ACBD5: variants seen among roughly 807,000 people sequenced by gnomAD.
The protein encoded by ACBD5 is acyl-CoA binding domain containing 5.
Under a neutral mutation model 71.8 loss-of-function variants are expected in ACBD5, and 40 were observed. That is an observed-to-expected ratio of 0.56 (90% confidence interval 0.43 to 0.72). The LOEUF is 0.72. ACBD5 is among the 30% of genes least tolerant of loss of function. The pLI is 0.00. For synonymous variants in ACBD5, 229 were observed against 218.6 expected, an observed-to-expected ratio of 1.05 and a Z score of -0.42; for missense variants, 559 against 644.5, an observed-to-expected ratio of 0.87 and a Z score of 1.44.
At chr10:27,238,940 G>A (rs1025338558) in intron 2 of ACBD5, among the ~76,000 whole-genome samples, 1 of 152,212 alleles carries the variant, frequency 6.6e-6, no homozygotes, top group Non-Finnish European at 1.5e-5. Context: ...GCTCATGCCT[G>A]TAATCCCAGC....
intron 13 of ACBD5, among the ~76,000 whole-genome samples, chr10:27,184,450 A>C (rs897308857): frequency 6.6e-6 from 1 of 151,968 alleles, no homozygotes; most frequent in Non-Finnish European, 1.5e-5. Flanking sequence ...TTGGATTTGG[A>C]CATACTGAGT....
chr10:27,188,594 C>T (rs1279236839), intron 13 of ACBD5, among the ~76,000 whole-genome samples: 2 of 152,176 alleles, frequency 1.3e-5, no homozygotes, highest in African/African-American at 2.4e-5. Context: ...TGAGCATATT[C>T]CCAATGCACA....
Position 27,205,301 on chromosome 10 carries a change from A to T in ACBD5, c.1405-53T>A. On this transcript the variant is annotated intron_variant, in intron 10 of 12. Coordinates refer to ENST00000396271, the MANE Select transcript of ACBD5 (RefSeq NM_145698.5). ...CCTTGAAAAAATGAAAAACACAGTA[A>T]TTATTCTATTTCCTATCTTTTTTTA... 1.9e-6 allele frequency: 3 copies of T among 1,545,462 alleles called. No homozygotes were observed. In the South Asian group the frequency reaches 3.4e-5, roughly 17 times the overall value.
chr10:27,239,306 T>C (rs2065159230), intron 2 of ACBD5, among the ~76,000 whole-genome samples: 1 of 152,162 alleles, frequency 6.6e-6, no homozygotes, highest in Non-Finnish European at 1.5e-5. Flanking sequence ...CAGAGAAAAA[T>C]ATTTAATGGC....
chr10:27,224,427 G>A (rs1034438306), intron 4 of ACBD5, among the ~76,000 whole-genome samples: 3 of 152,032 alleles, frequency 2.0e-5, no homozygotes, highest in Non-Finnish European at 2.9e-5. Flanking sequence ...TTCATTAAAC[G>A]AAATAGAAAA....
chr10:27,225,126 T>A (rs1353464199), intron 4 of ACBD5, among the ~76,000 whole-genome samples: 1 of 148,754 alleles, frequency 6.7e-6, no homozygotes, highest in Non-Finnish European at 1.5e-5. Flanking sequence ...TCACCCAGGC[T>A]GTAGTGCAGC....
At position 27,240,191 on chromosome 10, in the gene ACBD5, C is replaced by T. The variant is rs2065295218; in HGVS notation, c.181+128G>A. 4 of 1,417,652 alleles carry T rather than the reference C, an allele frequency of 2.8e-6. No homozygotes were observed. The South Asian group carries it at 4.9e-5, about 17-fold the overall frequency. 87.8% of individuals were successfully genotyped at this position (1,417,652 alleles called of 1,614,324 possible). A position where few individuals can be genotyped will look rare whatever the true frequency, so the allele number is the denominator to read the frequency against. ...AAGGTAATTAATTCATATTCAATAG[C>T]TCCCCTTCCACTACATGGCTCCTAC... On this transcript the variant is annotated intron_variant, in intron 2 of 12. Transcript: ENST00000396271. This position sits in a 1 kb window ranked among gnomAD's most constrained non-coding sequence, Gnocchi z 4.1.
intron 2 of ACBD5, among the ~76,000 whole-genome samples, chr10:27,238,046 C>T (rs1032631925): frequency 6.6e-6 from 1 of 151,826 alleles, no homozygotes; most frequent in East Asian, 1.9e-4. Context: ...CCCGGGTTCA[C>T]GCCATTCTCC....
chr10:27,199,849 G>C (rs979653708), intron 12 of ACBD5, among the ~76,000 whole-genome samples: 1 of 152,058 alleles, frequency 6.6e-6, no homozygotes, highest in Non-Finnish European at 1.5e-5. Context: ...CAAATTAGCC[G>C]GGCGTGGTGG....
At chr10:27,228,179 C>T (rs2063327081) in intron 4 of ACBD5, among the ~76,000 whole-genome samples, 1 of 151,324 alleles carries the variant, frequency 6.6e-6, no homozygotes, top group Non-Finnish European at 1.5e-5. Context: ...TTTAGTACAC[C>T]CATCTCTTTT....
At chr10:27,221,281 C>A (rs1321718313) in intron 5 of ACBD5, among the ~76,000 whole-genome samples, 2 of 152,100 alleles carry the variant, frequency 1.3e-5, no homozygotes, top group African/African-American at 2.4e-5. Flanking sequence ...ATTTTTGCAG[C>A]AAAACATATA....
At chr10:27,225,804 G>T (rs114957879) in intron 4 of ACBD5, among the ~76,000 whole-genome samples, 181 of 151,878 alleles carry the variant, frequency 1.2e-3, no homozygotes, top group African/African-American at 4.0e-3. Context: ...CCACACTGCC[G>T]TAATATAAAG....
chr10:27,233,448 G>A (rs1215749562), intron 3 of ACBD5, among the ~76,000 whole-genome samples: 1 of 150,812 alleles, frequency 6.6e-6, no homozygotes, highest in Non-Finnish European at 1.5e-5. Flanking sequence ...AAAAAAAACT[G>A]GTGTGGCATG....
chr10:27,232,772 C>T (rs1438884922), intron 3 of ACBD5, among the ~76,000 whole-genome samples: 1 of 152,072 alleles, frequency 6.6e-6, no homozygotes, highest in African/African-American at 2.4e-5. Flanking sequence ...TTTTTAAACC[C>T]CTAAATAATA....
At chr10:27,237,524 A>G (rs948154217) in intron 2 of ACBD5, among the ~76,000 whole-genome samples, 1 of 152,204 alleles carries the variant, frequency 6.6e-6, no homozygotes, top group Non-Finnish European at 1.5e-5. Context: ...TTTATAATCC[A>G]TTATAACAAA....
intron 3 of ACBD5, among the ~76,000 whole-genome samples, chr10:27,234,848 C>G (rs1310872680): frequency 6.6e-6 from 1 of 152,198 alleles, no homozygotes; most frequent in Non-Finnish European, 1.5e-5. Context: ...AGGAGAATCA[C>G]TTGAACCCAG....
intron 5 of ACBD5, among the ~76,000 whole-genome samples, chr10:27,222,568 T>C (rs1195742944): frequency 6.7e-6 from 1 of 150,374 alleles, no homozygotes; most frequent in Non-Finnish European, 1.5e-5. Context: ...TTTCTTTTTT[T>C]GTTTGTTTTT....
chr10:27,189,469 T>G (rs1370346789), intron 13 of ACBD5, among the ~76,000 whole-genome samples: 1 of 152,192 alleles, frequency 6.6e-6, no homozygotes, highest in African/African-American at 2.4e-5. Context: ...AGCAAGACCC[T>G]GTCTCTATCT....
chr10:27,221,278 C>G (rs1589219530), intron 5 of ACBD5, among the ~76,000 whole-genome samples: 2 of 152,276 alleles, frequency 1.3e-5, no homozygotes, highest in South Asian at 4.1e-4. Flanking sequence ...GTGATTTTTG[C>G]AGCAAAACAT....
Sources: gnomAD v4.1 joint callset for allele counts (sites outside exome capture counted in the v4.1 genomes callset) on GRCh38, gnomAD v4.1.1 for gene constraint, Gnocchi (gnomAD v3.1) non-coding constraint, MANE v1.5 for transcripts, NCBI Gene and HGNC (gene_info 2026-07-23, HGNC 2026-07-21) for gene names.